The following PCDH15 variants were observed in gnomAD, a reference collection of about 807,000 sequenced individuals.
PCDH15 encodes the protein protocadherin related 15.
A neutral mutation model predicts 178.5 loss-of-function variants in PCDH15; 129 were observed. The ratio of observed to expected loss-of-function variants is 0.72; its 90% CI spans 0.63 to 0.84. The LOEUF (loss-of-function observed/expected upper bound fraction) is 0.84. Among genes scored for constraint, PCDH15 ranks in the 40% least tolerant of loss-of-function variants. The probability of loss-of-function intolerance (pLI) is 0.00; values close to 1 mark genes in which losing one functional copy is unlikely to be tolerated. For missense variants in PCDH15, 2,230 were observed against 2,099.9 expected (o/e 1.06, Z -1.21); for synonymous variants, 800 against 732.0 (o/e 1.09, Z -1.50).
chr10:55,015,533 C>T lies in PCDH15; in HGVS notation c.-79-118033G>A, dbSNP rs1591836725. On this transcript the variant is annotated intron_variant, in intron 2 of 5. Coordinates refer to the PCDH15 transcript ENST00000458638. ...AGTCAAAAATAAGCGAGGATAGGTCCAATTGCTGGGTCCTTGGCAAGATTA... is the reference window on the plus strand; with the variant it reads ...AGTCAAAAATAAGCGAGGATAGGTCTAATTGCTGGGTCCTTGGCAAGATTA... Among the ~76,000 whole-genome samples the T allele has an allele frequency of 1.3e-5, 2 of 152,176 alleles. 1 individual carries two copies. The highest frequency in any genetic ancestry group is 2.9e-5 in the Non-Finnish European group (2 of 68,014).
intron 1 of PCDH15, among the ~76,000 whole-genome samples, chr10:54,666,487 C>T (rs1044916005): frequency 2.0e-5 from 3 of 152,036 alleles, no homozygotes; most frequent in Admixed American, 1.3e-4. Flanking sequence ...TGCTGTATTG[C>T]TTCCCTTAAA....
intron 2 of PCDH15, among the ~76,000 whole-genome samples, chr10:55,546,436 G>A (rs921328781): frequency 2.6e-5 from 4 of 152,002 alleles, no homozygotes; most frequent in African/African-American, 9.7e-5. Flanking sequence ...TATAATATCT[G>A]CTCTGAATTA....
chr10:54,858,289 G>A (rs995662054), intron 3 of PCDH15, among the ~76,000 whole-genome samples: 1 of 151,988 alleles, frequency 6.6e-6, no homozygotes, highest in South Asian at 2.1e-4. Flanking sequence ...TACATACTAC[G>A]ATATCTTTGT....
intron 2 of PCDH15, among the ~76,000 whole-genome samples, chr10:54,998,681 A>C (rs1014588756): frequency 6.6e-6 from 1 of 152,170 alleles, no homozygotes; most frequent in Non-Finnish European, 1.5e-5. Context: ...ATTGTTAAGC[A>C]TGAAGCTGGA....
intron 25 of PCDH15, among the ~76,000 whole-genome samples, chr10:53,935,984 T>G (rs1408179351): frequency 6.6e-6 from 1 of 152,186 alleles, no homozygotes; most frequent in Admixed American, 6.5e-5. Flanking sequence ...CACCTATGAT[T>G]TATTTGTTTA....
chr10:55,424,554 A>G (rs1838704832), intron 2 of PCDH15, among the ~76,000 whole-genome samples: 1 of 152,108 alleles, frequency 6.6e-6, no homozygotes, highest in African/African-American at 2.4e-5. Context: ...GCTAATGAAC[A>G]CTTTCCAGGC....
intron 1 of PCDH15, among the ~76,000 whole-genome samples, chr10:55,251,952 A>G (rs953713397): frequency 1.3e-5 from 2 of 152,144 alleles, no homozygotes; most frequent in African/African-American, 4.8e-5. Flanking sequence ...CAACAACAAA[A>G]ATTGGCTACT....
intron 2 of PCDH15, among the ~76,000 whole-genome samples, chr10:54,978,930 C>G (rs1330498667): frequency 6.6e-6 from 1 of 152,048 alleles, no homozygotes; most frequent in Non-Finnish European, 1.5e-5. Context: ...ATAGGGCACC[C>G]CAGCTAAGAA....
At chr10:53,840,565 C>T in intron 28 of PCDH15, 69 bp from the exon 29 acceptor site, 1 of 1,379,776 alleles carries the variant, frequency 7.2e-7, no homozygotes, top group African/African-American at 1.4e-5. Context: ...TTACTCTTAA[C>T]TTGAAAAGAC....
intron 3 of PCDH15, among the ~76,000 whole-genome samples, chr10:54,865,719 G>A (rs1953926863): frequency 6.6e-6 from 1 of 151,784 alleles, no homozygotes; most frequent in East Asian, 1.9e-4. Context: ...CTAGACAAAG[G>A]AAAATAACAT....
chr10:54,313,661 T>C (rs556933124), intron 8 of PCDH15, among the ~76,000 whole-genome samples: 1 of 145,144 alleles, frequency 6.9e-6, no homozygotes, highest in South Asian at 2.1e-4. Context: ...GAAACGTTTT[T>C]GTGTATATTC....
intron 2 of PCDH15, among the ~76,000 whole-genome samples, chr10:55,378,844 T>A (rs549262132): frequency 6.6e-6 from 1 of 151,606 alleles, no homozygotes. Context: ...CTTTCTCTTT[T>A]CCCTCTCTTC....
intron 2 of PCDH15, among the ~76,000 whole-genome samples, chr10:55,542,414 C>T (rs186613520): frequency 6.6e-6 from 1 of 150,584 alleles, no homozygotes; most frequent in Non-Finnish European, 1.5e-5. Context: ...TGTATATGTA[C>T]ATATGTACAG....
At chr10:55,019,911 T>A (rs1055104826) in intron 2 of PCDH15, among the ~76,000 whole-genome samples, 1 of 146,324 alleles carries the variant, frequency 6.8e-6, no homozygotes, top group African/African-American at 2.5e-5. Context: ...CACATATAAA[T>A]TGCATTACTA....
rs750833316 is a variant in PCDH15, at chr10:53,806,966, CACCACAGA to C, written c.4828_4835del (p.Ser1610GlufsTer24). On this transcript the variant is annotated frameshift_variant, in exon 38 of 38. Transcript: ENST00000644397. LOFTEE classifies it high-confidence loss of function. ...CCGTGAGGCAGGCACGGCGGGTTCT[CACCACAGA>C]ACCATTCTGTGCAATATATATATTG... The C allele has an allele frequency of 9.9e-6, 16 of 1,613,802 alleles. No homozygotes were observed. The East Asian group carries it at 3.6e-4, about 36-fold the overall frequency.
chr10:54,171,150 C>T (rs1024726637), intron 13 of PCDH15, among the ~76,000 whole-genome samples: 53 of 152,086 alleles, frequency 3.5e-4, no homozygotes, highest in African/African-American at 1.2e-3. Flanking sequence ...CACCTCAATA[C>T]AGTCTGATAA....
chr10:54,988,221 T>C (rs1428937634), intron 2 of PCDH15, among the ~76,000 whole-genome samples: 1 of 152,210 alleles, frequency 6.6e-6, no homozygotes, highest in East Asian at 1.9e-4. Flanking sequence ...CCTTGGTCTA[T>C]ATGTCTGTTT....
upstream of PCDH15, among the ~76,000 whole-genome samples, chr10:54,804,039 A>C (rs1354866433): frequency 6.6e-6 from 1 of 152,050 alleles, no homozygotes; most frequent in Non-Finnish European, 1.5e-5. Flanking sequence ...CTGTCAAAAA[A>C]ATTTTCTTTT....
intron 14 of PCDH15, among the ~76,000 whole-genome samples, chr10:54,137,604 C>G (rs978192902): frequency 2.0e-5 from 3 of 152,108 alleles, no homozygotes; most frequent in African/African-American, 4.8e-5. Context: ...ATGCCAGACC[C>G]GTCATTCATT....
Sources: gnomAD v4.1 joint callset for allele counts (sites outside exome capture counted in the v4.1 genomes callset) on GRCh38, gnomAD v4.1.1 for gene constraint, MANE v1.5 for transcripts, NCBI Gene and HGNC (gene_info 2026-07-23, HGNC 2026-07-21) for gene names.